ANO2: variants seen among roughly 807,000 people sequenced by gnomAD.
ANO2 encodes anoctamin 2.
In ANO2, 101 loss-of-function variants were observed where a neutral mutation model predicts 124.2. The ratio of observed to expected loss-of-function variants is 0.81; its 90% CI spans 0.69 to 0.96. The LOEUF (loss-of-function observed/expected upper bound fraction) is 0.96, where lower values mean the gene tolerates loss of function less well. ANO2 is among the 40% of genes least tolerant of loss of function. ANO2 has a pLI of 0.00. For synonymous variants in ANO2, 486 were observed against 482.5 expected (o/e 1.01, Z -0.09); for missense variants, 1,293 against 1,274.5 (o/e 1.01, Z -0.22).
In ANO2 at chr12:5,922,643, C is replaced by T. The variant is rs771914006; in HGVS notation, c.184G>A (p.Gly62Arg). 1.3e-6 allele frequency: 2 copies of T among 1,547,550 alleles called. No homozygotes were observed. Among genetic ancestry groups the T allele is most frequent in the South Asian group, 2.4e-5 (2 of 84,288 alleles). ...ACAGAGCTGCTGCGGGTGCTCTCTC[C>T]ACCGCAGGGCTGGCCAGGATCTCTG... The part of the protein sequence containing the change: ...SNRDPGQPCG[G>R]ESTRSSSVIN... Residue 62 changes from glycine to arginine, a missense_variant, in exon 2 of 25, where the codon GGA becomes AGA. Coordinates refer to ENST00000682330, the MANE Select transcript of ANO2 (RefSeq NM_001364791.2).
intron 14 of ANO2, among the ~76,000 whole-genome samples, chr12:5,660,708 TG>T (rs1947394376): frequency 6.6e-6 from 1 of 152,184 alleles, no homozygotes; most frequent in African/African-American, 2.4e-5. Flanking sequence ...TCATTCAACA[TG>T]GATCCAGCAC....
chr12:5,905,983 G>A (rs1411627571), intron 3 of ANO2, among the ~76,000 whole-genome samples: 2 of 152,166 alleles, frequency 1.3e-5, no homozygotes, highest in Non-Finnish European at 2.9e-5. Context: ...CGTCTCCTCA[G>A]GGTGGGTGGC....
intron 10 of ANO2, among the ~76,000 whole-genome samples, chr12:5,754,349 C>T (rs997369234): frequency 2.6e-5 from 4 of 152,138 alleles, no homozygotes; most frequent in African/African-American, 9.7e-5. Flanking sequence ...TTTGCATCTA[C>T]GTTCATCAGG....
chr12:5,631,300 C>A (rs1336981318), intron 16 of ANO2, among the ~76,000 whole-genome samples: 3 of 152,188 alleles, frequency 2.0e-5, no homozygotes, highest in Non-Finnish European at 4.4e-5. Flanking sequence ...TAAAAGTTCT[C>A]CTTCTAGATC....
At chr12:5,919,772 A>T (rs1267799944) in intron 3 of ANO2, among the ~76,000 whole-genome samples, 1 of 151,794 alleles carries the variant, frequency 6.6e-6, no homozygotes, top group Non-Finnish European at 1.5e-5. Flanking sequence ...ATCTCGGCTC[A>T]CTGCAAGCTC....
intron 20 of ANO2, among the ~76,000 whole-genome samples, chr12:5,592,968 T>C (rs533422780): frequency 6.6e-6 from 1 of 152,348 alleles, no homozygotes; most frequent in African/African-American, 2.4e-5. Flanking sequence ...ACCTGCCCTA[T>C]GCATTTCCTT....
intron 9 of ANO2, among the ~76,000 whole-genome samples, chr12:5,804,246 C>T (rs1953126570): frequency 6.6e-6 from 1 of 152,226 alleles, no homozygotes; most frequent in African/African-American, 2.4e-5. Context: ...CACCCACATA[C>T]CACTAAAACT....
chr12:5,713,848 C>T (rs1463758699), intron 14 of ANO2, among the ~76,000 whole-genome samples: 2 of 152,168 alleles, frequency 1.3e-5, no homozygotes, highest in Admixed American at 1.3e-4. Context: ...CGAGTGTTCC[C>T]ATCTCCACCC....
intron 14 of ANO2, among the ~76,000 whole-genome samples, chr12:5,657,737 C>T (rs921516408): frequency 6.6e-6 from 1 of 151,710 alleles, no homozygotes; most frequent in Non-Finnish European, 1.5e-5. Flanking sequence ...ATCAGTTGCC[C>T]TGAGTGTGGG....
intron 24 of ANO2, among the ~76,000 whole-genome samples, chr12:5,564,828 G>A (rs1218258818): frequency 6.6e-6 from 1 of 152,144 alleles, no homozygotes; most frequent in East Asian, 1.9e-4. Context: ...CCACTTTCTG[G>A]GCTGGGGTCT....
intron 10 of ANO2, among the ~76,000 whole-genome samples, chr12:5,776,732 G>A (rs1380058331): frequency 6.6e-6 from 1 of 152,240 alleles, no homozygotes; most frequent in African/African-American, 2.4e-5. Context: ...ACTAGAGAAT[G>A]AGAAGCTCCT....
At position 5,908,838 on chromosome 12, in the gene ANO2, G is replaced by A. The variant is rs891951218; in HGVS notation, c.534+12202C>T. 3.3e-5 allele frequency among the ~76,000 whole-genome samples: 5 copies of A among 152,216 alleles called. No individual in the cohort carries two copies. The highest frequency in any genetic ancestry group is 1.2e-4 in the African/African-American group (5 of 41,458). On this transcript the variant is annotated intron_variant, in intron 3 of 24. Coordinates refer to ENST00000682330, the MANE Select transcript of ANO2 (RefSeq NM_001364791.2). This position sits in a 1 kb window ranked among gnomAD's most constrained non-coding sequence, Gnocchi z 4.7. ...ACAATTGTGTGCACAGAATAGGGAA[G>A]GCAGGGAATAAGTGGGGTGCACCAT...
chr12:5,941,904 ATATCCAATGAAG>A (rs1942909214), intron 1 of ANO2, among the ~76,000 whole-genome samples: 1 of 152,028 alleles, frequency 6.6e-6, no homozygotes, highest in Non-Finnish European at 1.5e-5. Flanking sequence ...CCATTCATCT[ATATCCAATGAAG>A]TATCCTTCAA....
At position 5,858,696 on chromosome 12, in the gene ANO2, T is replaced by G. The variant is rs1389189716; in HGVS notation, c.535-4555A>C. ...GAAGTAGGTGAAGTCCCTGCTAGTG[T>G]GCCTGAAATGTGGAGTGTTCAATAA... On this transcript the variant is annotated intron_variant, in intron 3 of 24. Transcript: ENST00000682330. 3.3e-5 allele frequency: 5 copies of G among 152,352 alleles called. No individual in the cohort carries two copies. In the East Asian group the frequency reaches 9.6e-4, roughly 29 times the overall value. 9.4% of individuals were successfully genotyped at this position (152,352 alleles called of 1,614,324 possible). A position where few individuals can be genotyped will look rare whatever the true frequency, so the allele number is the denominator to read the frequency against.
intron 10 of ANO2, among the ~76,000 whole-genome samples, chr12:5,790,472 T>C (rs1952665595): frequency 6.6e-6 from 1 of 152,186 alleles, no homozygotes; most frequent in African/African-American, 2.4e-5. Flanking sequence ...TCTCTCAACA[T>C]TTCCTGACCA....
At chr12:5,667,575 T>G (rs1383890475) in intron 14 of ANO2, among the ~76,000 whole-genome samples, 1 of 152,168 alleles carries the variant, frequency 6.6e-6, no homozygotes, top group Non-Finnish European at 1.5e-5. Flanking sequence ...CCAGGGTACA[T>G]GTGGAGGACG....
chr12:5,630,488 T>C (rs1357229012), intron 16 of ANO2, among the ~76,000 whole-genome samples: 1 of 152,240 alleles, frequency 6.6e-6, no homozygotes, highest in Non-Finnish European at 1.5e-5. Flanking sequence ...TTTCAGTCAC[T>C]ATCCCATTGT....
At chr12:5,919,176 A>ATTT (rs1941551116) in intron 3 of ANO2, among the ~76,000 whole-genome samples, 5 of 152,104 alleles carry the variant, frequency 3.3e-5, no homozygotes, top group Admixed American at 3.3e-4. Flanking sequence ...ACAGAGAGGG[A>ATTT]CGGGGTGGGG....
At chr12:5,758,097 G>A (rs1457638054) in intron 10 of ANO2, among the ~76,000 whole-genome samples, 3 of 152,292 alleles carry the variant, frequency 2.0e-5, no homozygotes, top group African/African-American at 7.2e-5. Flanking sequence ...TTAAACGGAA[G>A]AAGGGACCTG....
Sources: allele counts gnomAD v4.1 joint callset (sites outside exome capture counted in the v4.1 genomes callset), GRCh38; gene constraint gnomAD v4.1.1; non-coding constraint Gnocchi (gnomAD v3.1); transcripts MANE v1.5; gene names NCBI Gene and HGNC (gene_info 2026-07-23, HGNC 2026-07-21).